Variants in GALNT13 observed in about 807,000 individuals in gnomAD.
GALNT13 encodes UDP-GalNAc:polypeptide N-acetylgalactosaminyltransferase 13.
A neutral mutation model predicts 64.2 loss-of-function variants in GALNT13; 28 were observed. The ratio of observed to expected loss-of-function variants is 0.44; its 90% CI spans 0.32 to 0.60. The LOEUF (loss-of-function observed/expected upper bound fraction) is 0.60. GALNT13 is among the 20% of genes least tolerant of loss of function. The pLI, the probability that GALNT13 is intolerant of heterozygous loss-of-function variation, is 0.05. For synonymous variants in GALNT13, 214 were observed against 224.6 expected, an observed-to-expected ratio of 0.95 and a Z score of 0.42; for missense variants, 577 against 669.8, an observed-to-expected ratio of 0.86 and a Z score of 1.53.
the GALNT13 span, among the ~76,000 whole-genome samples, chr2:153,102,545 A>C: frequency 1.3e-5 from 2 of 152,212 alleles, no homozygotes; most frequent in Admixed American, 1.3e-4. Flanking sequence ...GAACATAGTA[A>C]AAATCTGGCT....
At chr2:153,092,958 T>A in the GALNT13 span, among the ~76,000 whole-genome samples, 1 of 152,192 alleles carries the variant, frequency 6.6e-6, no homozygotes. Flanking sequence ...TTTCAGTTTT[T>A]TCCCATTTAA....
intron 4 of GALNT13, among the ~76,000 whole-genome samples, chr2:154,215,046 G>A (rs1485614266): frequency 6.6e-6 from 1 of 152,162 alleles, no homozygotes; most frequent in East Asian, 1.9e-4. Flanking sequence ...AAAGTTTCTG[G>A]TGGTTAATTC....
At chr2:153,897,508 G>C (rs1051957394) in intron 1 of GALNT13, among the ~76,000 whole-genome samples, 1 of 152,060 alleles carries the variant, frequency 6.6e-6, no homozygotes, top group African/African-American at 2.4e-5. Flanking sequence ...TGATCAATTT[G>C]TTAAGGTGGT....
the GALNT13 span, among the ~76,000 whole-genome samples, chr2:153,631,065 G>C: frequency 6.6e-6 from 1 of 151,228 alleles, no homozygotes; most frequent in Non-Finnish European, 1.5e-5. Context: ...GCAGTGTTTG[G>C]TTTTCTCTCC....
At chr2:153,969,019 A>C (rs1481359742) in intron 3 of GALNT13, among the ~76,000 whole-genome samples, 1 of 152,048 alleles carries the variant, frequency 6.6e-6, no homozygotes, top group African/African-American at 2.4e-5. Context: ...TAGAGTAATA[A>C]TGAGGATGAA....
chr2:153,353,570 G>GT, the GALNT13 span, among the ~76,000 whole-genome samples: 1 of 137,504 alleles, frequency 7.3e-6, no homozygotes, highest in Non-Finnish European at 1.7e-5. Context: ...CTTAAGCATG[G>GT]TGTTAGCTGT....
intron 9 of GALNT13, among the ~76,000 whole-genome samples, chr2:154,359,680 T>A (rs1025155662): frequency 6.6e-6 from 1 of 152,140 alleles, no homozygotes; most frequent in Non-Finnish European, 1.5e-5. Context: ...TACTATATTT[T>A]ATTTGAATGT....
At chr2:153,352,903 T>C in the GALNT13 span, among the ~76,000 whole-genome samples, 1 of 152,080 alleles carries the variant, frequency 6.6e-6, no homozygotes, top group Non-Finnish European at 1.5e-5. Context: ...GCCAACTTTG[T>C]TCTTCTCTTT....
At chr2:154,431,909 C>A (rs969392647) in intron 11 of GALNT13, among the ~76,000 whole-genome samples, 4 of 152,180 alleles carry the variant, frequency 2.6e-5, no homozygotes, top group Non-Finnish European at 5.9e-5. Flanking sequence ...TGAGCCTCCC[C>A]AGCTATGTGG....
the GALNT13 span, among the ~76,000 whole-genome samples, chr2:153,525,114 C>T: frequency 5.1e-4 from 78 of 152,316 alleles, no homozygotes; most frequent in Non-Finnish European, 6.6e-4. Flanking sequence ...CAGGTCCTAA[C>T]TACTGGATGA....
intron 8 of GALNT13, among the ~76,000 whole-genome samples, chr2:154,279,210 C>G (rs1691824900): frequency 6.6e-6 from 1 of 151,950 alleles, no homozygotes; most frequent in South Asian, 2.1e-4. Context: ...GGTTCTGAGC[C>G]TCAGATAAAT....
chr2:153,898,531 A>G (rs1574069849), intron 1 of GALNT13, among the ~76,000 whole-genome samples: 1 of 152,140 alleles, frequency 6.6e-6, no homozygotes, highest in Non-Finnish European at 1.5e-5. Context: ...ATGCCTATCA[A>G]TCCAGGAAAT....
chr2:154,387,415 C>T (rs2105344469), intron 9 of GALNT13, among the ~76,000 whole-genome samples: 1 of 152,138 alleles, frequency 6.6e-6, no homozygotes, highest in Non-Finnish European at 1.5e-5. Context: ...ATTAACATAG[C>T]CATAACCTTG....
the GALNT13 span, among the ~76,000 whole-genome samples, chr2:153,443,966 G>A: frequency 2.0e-5 from 3 of 151,908 alleles, no homozygotes; most frequent in African/African-American, 7.3e-5. Context: ...ATTCTCCCAA[G>A]ATTATGTTAG....
chr2:153,849,823 T>G, the GALNT13 span, among the ~76,000 whole-genome samples: 1 of 151,934 alleles, frequency 6.6e-6, no homozygotes, highest in South Asian at 2.1e-4. Context: ...GAGTTACGTA[T>G]GAGCATATGT....
chr2:153,341,105 C>A, the GALNT13 span, among the ~76,000 whole-genome samples: 1 of 152,100 alleles, frequency 6.6e-6, no homozygotes, highest in African/African-American at 2.4e-5. Flanking sequence ...TTGAAATTAC[C>A]TGAGTTTAAT....
the GALNT13 span, among the ~76,000 whole-genome samples, chr2:153,346,746 T>C: frequency 4.6e-5 from 7 of 152,320 alleles, no homozygotes; most frequent in Admixed American, 4.6e-4. Flanking sequence ...ACTTTTGAAA[T>C]GAATAATAAA....
At chr2:154,299,465 T>TC (rs1693292113) in intron 8 of GALNT13, among the ~76,000 whole-genome samples, 1 of 150,614 alleles carries the variant, frequency 6.6e-6, no homozygotes, top group South Asian at 2.1e-4. Context: ...CTTTTTTTTT[T>TC]TTTTTTTTTG....
chr2:153,081,967 T>C, the GALNT13 span, among the ~76,000 whole-genome samples: 1 of 152,210 alleles, frequency 6.6e-6, no homozygotes, highest in Non-Finnish European at 1.5e-5. Flanking sequence ...ATAGTGGTCT[T>C]ACTAATTTAC....
Sources: allele counts gnomAD v4.1 joint callset (sites outside exome capture counted in the v4.1 genomes callset), GRCh38; gene constraint gnomAD v4.1.1; transcripts MANE v1.5; gene names NCBI Gene and HGNC (gene_info 2026-07-23, HGNC 2026-07-21).